Variants in OR7E24 observed in about 807,000 individuals in gnomAD.
The protein encoded by OR7E24 is olfactory receptor 7E24.
For synonymous variants in OR7E24, 130 were observed against 157.5 expected (o/e 0.83, Z 1.31); for missense variants, 385 against 410.3 (o/e 0.94, Z 0.53).
chr19:9,250,592 A>G (rs191872779), upstream of OR7E24, among the ~76,000 whole-genome samples: 52 of 152,356 alleles, frequency 3.4e-4, no homozygotes, highest in African/African-American at 1.3e-3. Flanking sequence ...ATGAACTTTC[A>G]TTGAGTTTTG....
At chr19:9,214,589 C>T in the OR7E24 span, 1 of 1,613,894 alleles carries the variant, frequency 6.2e-7, no homozygotes, top group Non-Finnish European at 8.5e-7. Context: ...CCTGGATGCT[C>T]ACTAGCATCT....
the OR7E24 span, among the ~76,000 whole-genome samples, chr19:9,227,823 G>A: frequency 7.9e-5 from 11 of 139,908 alleles, no homozygotes; most frequent in East Asian, 4.2e-4. Context: ...GCGGGATCTC[G>A]GCTCACTGCA....
the OR7E24 span, among the ~76,000 whole-genome samples, chr19:9,231,851 A>C: frequency 6.6e-6 from 1 of 152,120 alleles, no homozygotes; most frequent in Non-Finnish European, 1.5e-5. Context: ...TTACTGTTCA[A>C]TTTAGTGTCT....
At chr19:9,235,860 C>T in the OR7E24 span, 1 of 1,609,440 alleles carries the variant, frequency 6.2e-7, no homozygotes, top group South Asian at 1.1e-5. Context: ...AAGCCTTTTC[C>T]ACCTGTGGAT....
At chr19:9,236,505 G>A in the OR7E24 span, among the ~76,000 whole-genome samples, 3 of 151,536 alleles carry the variant, frequency 2.0e-5, no homozygotes, top group East Asian at 3.9e-4. Flanking sequence ...GCGAGACTCT[G>A]TCTGAAAAAA....
chr19:9,238,292 AAAAT>A, the OR7E24 span, among the ~76,000 whole-genome samples: 2 of 151,362 alleles, frequency 1.3e-5, no homozygotes, highest in African/African-American at 4.8e-5. Flanking sequence ...CAAAAAAACA[AAAAT>A]AAACAAAAAA....
rs1309152031 is a variant in OR7E24, at chr19:9,251,378, A to G, written c.335A>G (p.Tyr112Cys). The G allele has an allele frequency of 6.2e-7, 1 of 1,614,046 alleles. No individual in the cohort carries two copies. The change falls in exon 1 of 1, where the codon TAT becomes TGT. Residue 112 changes from tyrosine (Y) to cysteine (C), a missense_variant. By Grantham distance (194) the Tyr-to-Cys change is radical. Transcript: ENST00000456448. ...DMQTHSRVIS[Y>C]EGCLTQMSFF... The stretch of plus-strand genomic sequence containing the variant: ...CAAACTCACAGCAGAGTCATCTCCT[A>G]TGAAGGCTGCCTGACTCAGATGTCT...
At chr19:9,210,060 G>A in the OR7E24 span, 1 of 152,096 alleles carries the variant, frequency 6.6e-6, no homozygotes, top group Middle Eastern at 3.4e-3. Context: ...CACTATTTTT[G>A]CTACTACCCA....
At chr19:9,209,794 G>A in the OR7E24 span, 44,450 of 151,726 alleles carry the variant, frequency 0.29, 12,408 homozygotes, top group African/African-American at 0.74. Context: ...AGCTGGGACT[G>A]CAGGTGTGTG....
chr19:9,251,518 T>C lies in OR7E24; in HGVS notation c.475T>C (p.Cys159Arg). Reference protein sequence around the residue: ...HYRIIMNPRLCGFLILLSFFI... With the variant: ...HYRIIMNPRLRGFLILLSFFI... Reference sequence around the variant, plus strand: ...CCGAATCATCATGAACCCACGCCTCTGTGGCTTCTTAATCTTGTTGTCTTT... The same window carrying C: ...CCGAATCATCATGAACCCACGCCTCCGTGGCTTCTTAATCTTGTTGTCTTT... The change falls in exon 1 of 1, where the codon TGT becomes CGT. Residue 159 changes from cysteine (C) to arginine (R), a missense_variant. Coordinates refer to ENST00000456448, the MANE Select transcript of OR7E24 (RefSeq NM_001079935.2). 6.2e-7 allele frequency: 1 copy of C among 1,614,186 alleles called. No individual in the cohort carries two copies. The highest frequency in any genetic ancestry group is 8.5e-7 in the Non-Finnish European group (1 of 1,180,016).
chr19:9,241,584 G>C, the OR7E24 span, among the ~76,000 whole-genome samples: 279 of 152,240 alleles, frequency 1.8e-3, 1 homozygote, highest in East Asian at 0.02. Context: ...GGCCAATGTG[G>C]TGAAACCCCA....
At chr19:9,245,230 A>C (rs1054578233), upstream of OR7E24, among the ~76,000 whole-genome samples, 2 of 152,020 alleles carry the variant, frequency 1.3e-5, no homozygotes, top group Admixed American at 1.3e-4. Context: ...AGAAAAAAAA[A>C]AATTGGGCAG....
upstream of OR7E24, among the ~76,000 whole-genome samples, chr19:9,246,466 TTGTGTGTGTGTG>T (rs34518365): frequency 2.2e-3 from 288 of 131,058 alleles, 2 homozygotes; most frequent in African/African-American, 7.9e-3. Context: ...CTTAAAGGTA[TTGTGTGTGTGTG>T]TGTGTGTGTG....
chr19:9,224,910 G>A, the OR7E24 span, among the ~76,000 whole-genome samples: 2 of 152,148 alleles, frequency 1.3e-5, no homozygotes, highest in Admixed American at 1.3e-4. Flanking sequence ...TTGGTATGTG[G>A]GTGATCCATT....
At chr19:9,248,444 G>A (rs1305772045), upstream of OR7E24, among the ~76,000 whole-genome samples, 1 of 152,186 alleles carries the variant, frequency 6.6e-6, no homozygotes, top group Non-Finnish European at 1.5e-5. Context: ...GGCAGTCTAA[G>A]TCCAGACACA....
the OR7E24 span, among the ~76,000 whole-genome samples, chr19:9,223,944 G>A: frequency 3.3e-5 from 5 of 151,752 alleles, no homozygotes; most frequent in African/African-American, 1.2e-4. Flanking sequence ...TCTGCCTCCT[G>A]GGTTCAAGCA....
At chr19:9,213,846 C>T in the OR7E24 span, 1 of 1,272,142 alleles carries the variant, frequency 7.9e-7, no homozygotes, top group East Asian at 2.3e-5. Flanking sequence ...AAACCCACAA[C>T]ATTTGCCTTA....
chr19:9,229,534 CAA>C, the OR7E24 span, among the ~76,000 whole-genome samples: 2 of 116,368 alleles, frequency 1.7e-5, no homozygotes, highest in Non-Finnish European at 1.8e-5. Flanking sequence ...GATTCTGTCT[CAA>C]AAAAAAAAAG....
chr19:9,211,465 C>A, the OR7E24 span: 4 of 152,126 alleles, frequency 2.6e-5, no homozygotes, highest in Non-Finnish European at 4.4e-5. Flanking sequence ...CATAAATTAC[C>A]AATGCATAAA....
Sources: gnomAD v4.1 joint callset for allele counts (sites outside exome capture counted in the v4.1 genomes callset) on GRCh38, gnomAD v4.1.1 for gene constraint, MANE v1.5 for transcripts, NCBI Gene and HGNC (gene_info 2026-07-23, HGNC 2026-07-21) for gene names.